BST1: variants seen among roughly 807,000 people sequenced by gnomAD.
BST1 encodes the protein bone marrow stromal cell antigen 1, also known as ADP-ribosyl cyclase/cyclic ADP-ribose hydrolase 2.
In BST1, 49 loss-of-function variants were observed where a neutral mutation model predicts 40.6. The ratio of observed to expected loss-of-function variants is 1.21; its 90% CI spans 0.96 to 1.53. The LOEUF (loss-of-function observed/expected upper bound fraction) is 1.53, where lower values mean the gene tolerates loss of function less well. Ranked by LOEUF, BST1 falls within the 40% of genes most tolerant of loss-of-function variation. The probability of loss-of-function intolerance (pLI) is 0.00; values close to 1 mark genes in which losing one functional copy is unlikely to be tolerated. For missense variants in BST1, 423 were observed against 395.9 expected, an observed-to-expected ratio of 1.07 and a Z score of -0.58; for synonymous variants, 157 against 159.3, an observed-to-expected ratio of 0.99 and a Z score of 0.11.
At chr4:15,725,589 A>G (rs1721051889) in intron 8 of BST1, among the ~76,000 whole-genome samples, 1 of 152,130 alleles carries the variant, frequency 6.6e-6, no homozygotes, top group Non-Finnish European at 1.5e-5. Context: ...CCCATCTTCC[A>G]GGTTCATCAT....
chr4:15,771,919 T>G, the BST1 span, among the ~76,000 whole-genome samples: 1 of 152,202 alleles, frequency 6.6e-6, no homozygotes, highest in South Asian at 2.1e-4. Context: ...TGCTGGTGTT[T>G]AATGTCTTCA....
At chr4:15,754,076 A>G in the BST1 span, among the ~76,000 whole-genome samples, 1 of 152,170 alleles carries the variant, frequency 6.6e-6, no homozygotes, top group East Asian at 1.9e-4. Flanking sequence ...TGGAAGGCCA[A>G]GTGGGGGGGT....
chr4:15,758,197 C>A, the BST1 span, among the ~76,000 whole-genome samples: 2 of 151,870 alleles, frequency 1.3e-5, no homozygotes, highest in African/African-American at 2.4e-5. Context: ...GTTACACAGG[C>A]AAATTGTGTG....
intron 3 of BST1, among the ~76,000 whole-genome samples, chr4:15,708,645 G>A (rs1219729127): frequency 1.3e-5 from 2 of 152,126 alleles, no homozygotes; most frequent in South Asian, 2.1e-4. Flanking sequence ...TTGGGAGGCC[G>A]AGGTGGGTGG....
chr4:15,761,751 C>T, the BST1 span, among the ~76,000 whole-genome samples: 1 of 151,864 alleles, frequency 6.6e-6, no homozygotes, highest in Admixed American at 6.5e-5. Flanking sequence ...GACACCTTGT[C>T]CAGAAGGTCT....
chr4:15,704,869 T>C, intron 1 of BST1: 1 of 706,122 alleles, frequency 1.4e-6, no homozygotes. Flanking sequence ...CCTTTTCTTA[T>C]GTTTGTGATG....
chr4:15,708,445 A>T (rs1490076696), intron 3 of BST1, among the ~76,000 whole-genome samples: 1 of 152,162 alleles, frequency 6.6e-6, no homozygotes, highest in African/African-American at 2.4e-5. Flanking sequence ...GTGTTCGAGG[A>T]GTAGCAGAGT....
chr4:15,713,531 A>G (rs1237092129), intron 4 of BST1, among the ~76,000 whole-genome samples: 4 of 151,722 alleles, frequency 2.6e-5, no homozygotes, highest in Non-Finnish European at 5.9e-5. Context: ...GACTTTTAAC[A>G]CCCTTATTTT....
At chr4:15,729,285 C>T (rs1721268160) in intron 8 of BST1, among the ~76,000 whole-genome samples, 1 of 152,090 alleles carries the variant, frequency 6.6e-6, no homozygotes, top group African/African-American at 2.4e-5. Context: ...GACCCCGCCT[C>T]TACAAGCAAA....
At position 15,707,632 on chromosome 4, in the gene BST1, A is replaced by C; in HGVS notation, c.437A>C (p.Gln146Pro). 6.2e-7 allele frequency: 1 copy of C among 1,614,112 alleles called. No individual in the cohort carries two copies. Among genetic ancestry groups the C allele is most frequent in the Non-Finnish European group, 8.5e-7 (1 of 1,180,008 alleles). Residue 146 changes from glutamine (Q) to proline (P), a missense_variant, in exon 3 of 9, where the codon CAG (glutamine) becomes CCG (proline). Transcript: ENST00000265016. Reference protein sequence around the residue: ...RVADFLSWCRQKNDSGLDYQS... With the variant: ...RVADFLSWCRPKNDSGLDYQS... ...GCAGATTTCTTGAGCTGGTGTCGAC[A>C]GAAAAATGACTCTGGTAAGACTCCT...
In BST1 at chr4:15,725,858, A is replaced by G. The variant is rs1405483585; in HGVS notation, c.851+2924A>G. On this transcript the variant is annotated intron_variant, in intron 8 of 8. Coordinates refer to ENST00000265016, the MANE Select transcript of BST1 (RefSeq NM_004334.3). ...TTAAAATCATAGCCTCCATCTCACA[A>G]CTGTGGCTCTTCAAAACCCTCATGT... Among the ~76,000 whole-genome samples, 3 of 150,810 alleles carry G rather than the reference A, an allele frequency of 2.0e-5. No homozygotes were observed. The East Asian group carries it at 5.8e-4, about 29-fold the overall frequency.
At chr4:15,741,949 A>G (rs924064101), downstream of BST1, among the ~76,000 whole-genome samples, 13 of 152,196 alleles carry the variant, frequency 8.5e-5, no homozygotes, top group Admixed American at 5.9e-4. Context: ...TTGGTGCATA[A>G]CGCCCCGGTC....
chr4:15,752,666 T>G, the BST1 span, among the ~76,000 whole-genome samples: 1 of 151,872 alleles, frequency 6.6e-6, no homozygotes, highest in Non-Finnish European at 1.5e-5. Context: ...CTTATATCTA[T>G]AGAATGAACA....
At chr4:15,705,985 G>A (rs1719861807) in intron 2 of BST1, among the ~76,000 whole-genome samples, 1 of 152,188 alleles carries the variant, frequency 6.6e-6, no homozygotes, top group African/African-American at 2.4e-5. Context: ...AGTGGGAGCA[G>A]GTGTCTTACA....
At chr4:15,760,361 A>G in the BST1 span, among the ~76,000 whole-genome samples, 51 of 151,938 alleles carry the variant, frequency 3.4e-4, no homozygotes, top group East Asian at 2.7e-3. Flanking sequence ...CTGTTTATCA[A>G]TTATTATGAT....
At chr4:15,725,983 C>A (rs1033935103) in intron 8 of BST1, among the ~76,000 whole-genome samples, 20 of 80,434 alleles carry the variant, frequency 2.5e-4, no homozygotes, top group Non-Finnish European at 3.4e-4. Flanking sequence ...GAGACGAGGT[C>A]TCTCTCCTCT....
the BST1 span, among the ~76,000 whole-genome samples, chr4:15,745,668 T>C: frequency 2.8e-4 from 42 of 152,296 alleles, no homozygotes; most frequent in African/African-American, 1.0e-3. Context: ...GCCTTCAAAA[T>C]CCAGAGAAAC....
At chr4:15,714,068 A>G (rs1409452529) in intron 4 of BST1, among the ~76,000 whole-genome samples, 1 of 152,062 alleles carries the variant, frequency 6.6e-6, no homozygotes, top group African/African-American at 2.4e-5. Context: ...CATAATAGTG[A>G]ATGACACATA....
At chr4:15,772,353 G>A in the BST1 span, among the ~76,000 whole-genome samples, 1 of 152,294 alleles carries the variant, frequency 6.6e-6, no homozygotes, top group South Asian at 2.1e-4. Context: ...CAAGAGAGCA[G>A]AAGAAAGGAG....
Sources: allele counts gnomAD v4.1 joint callset (sites outside exome capture counted in the v4.1 genomes callset), GRCh38; gene constraint gnomAD v4.1.1; transcripts MANE v1.5; gene names NCBI Gene and HGNC (gene_info 2026-07-23, HGNC 2026-07-21).